The following PTCSC3 variants were observed in gnomAD, a reference collection of about 807,000 sequenced individuals.
PTCSC3 encodes papillary thyroid carcinoma susceptibility candidate 3 (non-protein coding).
At chr14:36,163,165 G>A (rs926926086) in intron 1 of PTCSC3, among the ~76,000 whole-genome samples, 7 of 151,992 alleles carry the variant, frequency 4.6e-5, no homozygotes, top group Admixed American at 3.9e-4. Flanking sequence ...TTGAGCCTAG[G>A]GGTCTGAAGC....
At chr14:36,152,587 T>C (rs1230149862) in intron 3 of PTCSC3, among the ~76,000 whole-genome samples, 2 of 152,132 alleles carry the variant, frequency 1.3e-5, no homozygotes, top group African/African-American at 4.8e-5. Flanking sequence ...ATTCAGAATA[T>C]GAGAACTACG....
At chr14:36,151,806 G>T (rs909804075) in intron 3 of PTCSC3, among the ~76,000 whole-genome samples, 8 of 152,124 alleles carry the variant, frequency 5.3e-5, no homozygotes, top group African/African-American at 1.9e-4. Flanking sequence ...AGACCAGAAT[G>T]CTCTGGGCAT....
chr14:36,155,323 A>T (rs1440082514), intron 2 of PTCSC3, among the ~76,000 whole-genome samples: 1 of 152,212 alleles, frequency 6.6e-6, no homozygotes, highest in Admixed American at 6.5e-5. Flanking sequence ...GTTCCACAGT[A>T]AAAACTTTAT....
intron 1 of PTCSC3, among the ~76,000 whole-genome samples, chr14:36,166,064 A>G (rs1238422166): frequency 1.3e-5 from 2 of 152,206 alleles, no homozygotes; most frequent in Non-Finnish European, 2.9e-5. Context: ...GAGTGCTTAC[A>G]TGCTTCTCTT....
intron 1 of PTCSC3, among the ~76,000 whole-genome samples, chr14:36,163,697 C>A (rs1169147): frequency 0.63 from 95,677 of 151,972 alleles, 30,565 homozygotes; most frequent in Non-Finnish European, 0.69. Context: ...GATATAAGGT[C>A]ATTTTAGTCC....
chr14:36,149,229 C>T (rs1030504325), intron 3 of PTCSC3, among the ~76,000 whole-genome samples: 1 of 152,044 alleles, frequency 6.6e-6, no homozygotes, highest in Admixed American at 6.6e-5. Flanking sequence ...TTTCTTGAAA[C>T]TTCTTCTTTG....
intron 3 of PTCSC3, among the ~76,000 whole-genome samples, chr14:36,151,007 C>T (rs901368123): frequency 1.3e-5 from 2 of 152,126 alleles, no homozygotes; most frequent in Non-Finnish European, 2.9e-5. Context: ...AAGTTTCTCA[C>T]CTATATCATT....
intron 2 of PTCSC3, among the ~76,000 whole-genome samples, chr14:36,156,264 C>G (rs1178915955): frequency 6.6e-6 from 1 of 152,122 alleles, no homozygotes; most frequent in African/African-American, 2.4e-5. Flanking sequence ...CAAAAGATAA[C>G]AATATATGCA....
At chr14:36,151,252 C>G (rs940098329) in intron 3 of PTCSC3, among the ~76,000 whole-genome samples, 1 of 152,100 alleles carries the variant, frequency 6.6e-6, no homozygotes, top group Non-Finnish European at 1.5e-5. Flanking sequence ...CAATATAACT[C>G]TATCCTTGTT....
intron 1 of PTCSC3, chr14:36,165,230 T>C (rs1882062660): frequency 6.6e-6 from 1 of 152,096 alleles, no homozygotes; most frequent in Admixed American, 6.5e-5. Context: ...TATAAGACAA[T>C]GTTAAGACCA....
At chr14:36,156,271 T>G (rs148917367) in intron 2 of PTCSC3, among the ~76,000 whole-genome samples, 1 of 152,196 alleles carries the variant, frequency 6.6e-6, no homozygotes, top group Admixed American at 6.5e-5. Context: ...TAACAATATA[T>G]GCATGCACAC....
chr14:36,147,851 CCTTT>C (rs1881618658), intron 3 of PTCSC3, among the ~76,000 whole-genome samples: 1 of 151,860 alleles, frequency 6.6e-6, no homozygotes, highest in Non-Finnish European at 1.5e-5. Context: ...GTGTGGAAGT[CCTTT>C]CTGTTTGTTA....
chr14:36,136,572 G>C (rs1328695092), intron 3 of PTCSC3, among the ~76,000 whole-genome samples: 1 of 152,144 alleles, frequency 6.6e-6, no homozygotes, highest in Non-Finnish European at 1.5e-5. Context: ...AGAAGAATAA[G>C]AGTAAGAATG....
At chr14:36,171,759 C>G (rs890213921) in intron 1 of PTCSC3, among the ~76,000 whole-genome samples, 1 of 152,172 alleles carries the variant, frequency 6.6e-6, no homozygotes, top group Non-Finnish European at 1.5e-5. Context: ...GTTTAAGAAA[C>G]GTTTTGCCAC....
chr14:36,155,279 T>A (rs1180827567), intron 2 of PTCSC3, among the ~76,000 whole-genome samples: 2 of 152,076 alleles, frequency 1.3e-5, no homozygotes, highest in Non-Finnish European at 2.9e-5. Flanking sequence ...GAAAAGAAAT[T>A]GAGATAGAAA....
At chr14:36,161,820 C>T (rs189559256) in intron 2 of PTCSC3, among the ~76,000 whole-genome samples, 98 of 152,278 alleles carry the variant, frequency 6.4e-4, no homozygotes, top group African/African-American at 2.3e-3. Context: ...AAGTTGCACC[C>T]GCAACCACCC....
At chr14:36,156,499 G>T (rs184983012) in intron 2 of PTCSC3, among the ~76,000 whole-genome samples, 148 of 152,150 alleles carry the variant, frequency 9.7e-4, no homozygotes, top group African/African-American at 3.4e-3. Flanking sequence ...GAATGTGCAG[G>T]TTTGTTGCAC....
At chr14:36,148,661 T>G (rs942058421) in intron 3 of PTCSC3, among the ~76,000 whole-genome samples, 8 of 152,238 alleles carry the variant, frequency 5.3e-5, no homozygotes, top group African/African-American at 1.4e-4. Context: ...ACCGGAGCTG[T>G]TCCTATTCGG....
At chr14:36,149,130 C>T (rs1046307653) in intron 3 of PTCSC3, among the ~76,000 whole-genome samples, 3 of 152,026 alleles carry the variant, frequency 2.0e-5, no homozygotes, top group South Asian at 2.1e-4. Context: ...TATGTAAATT[C>T]AGTATTACAA....
Sources: gnomAD v4.1 joint callset for allele counts (sites outside exome capture counted in the v4.1 genomes callset) on GRCh38, gnomAD v4.1.1 for gene constraint, MANE v1.5 for transcripts, NCBI Gene and HGNC (gene_info 2026-07-23, HGNC 2026-07-21) for gene names.